The following CNTN5 variants were observed in gnomAD, a reference collection of about 807,000 sequenced individuals.
CNTN5 encodes contactin 5.
In CNTN5, 77 loss-of-function variants were observed where a neutral mutation model predicts 129.1. The observed-to-expected ratio is 0.60, with a 90% CI of 0.50 to 0.72. The LOEUF is 0.72. Among genes scored for constraint, CNTN5 ranks in the 30% least tolerant of loss-of-function variants. The probability of loss-of-function intolerance (pLI) is 0.00; values close to 1 mark genes in which losing one functional copy is unlikely to be tolerated. For missense variants in CNTN5, 1,478 were observed against 1,328.8 expected (o/e 1.11, Z -1.75); for synonymous variants, 509 against 465.6 (o/e 1.09, Z -1.20).
chr11:99,610,745 G>T (rs376271672), intron 3 of CNTN5, among the ~76,000 whole-genome samples: 1 of 152,078 alleles, frequency 6.6e-6, no homozygotes, highest in African/African-American at 2.4e-5. Flanking sequence ...ATGAAAGGTC[G>T]CAAGCTTAGT....
intron 2 of CNTN5, among the ~76,000 whole-genome samples, chr11:99,525,134 A>C (rs1026012065): frequency 5.5e-5 from 8 of 144,988 alleles, no homozygotes; most frequent in African/African-American, 2.0e-4. Flanking sequence ...ATGAAAAGCC[A>C]ATTTAAAGGG....
At chr11:100,083,317 C>CAAAAA (rs71050046) in intron 13 of CNTN5, among the ~76,000 whole-genome samples, 4 of 127,938 alleles carry the variant, frequency 3.1e-5, no homozygotes, top group African/African-American at 1.1e-4. Context: ...AACTCTGTCT[C>CAAAAA]AAAAAAAAAA....
At chr11:99,915,287 T>C (rs1371404670) in intron 6 of CNTN5, among the ~76,000 whole-genome samples, 5 of 152,106 alleles carry the variant, frequency 3.3e-5, no homozygotes, top group African/African-American at 1.2e-4. Flanking sequence ...ATAATAGAAT[T>C]ACAATTTAAA....
intron 2 of CNTN5, among the ~76,000 whole-genome samples, chr11:99,552,432 T>C (rs2135526666): frequency 6.6e-6 from 1 of 152,226 alleles, no homozygotes. Context: ...AATAGACTAG[T>C]TTAACCTCAG....
intron 7 of CNTN5, among the ~76,000 whole-genome samples, chr11:99,942,298 A>T (rs1950457382): frequency 6.6e-6 from 1 of 152,010 alleles, no homozygotes; most frequent in South Asian, 2.1e-4. Context: ...GGACCACTAC[A>T]AGAGGAATGT....
chr11:99,933,359 A>T (rs924270258), intron 7 of CNTN5, among the ~76,000 whole-genome samples: 1 of 152,196 alleles, frequency 6.6e-6, no homozygotes, highest in African/African-American at 2.4e-5. Context: ...GAGGTATATT[A>T]ACATATAATG....
intron 3 of CNTN5, among the ~76,000 whole-genome samples, chr11:99,692,623 C>T (rs186873290): frequency 6.6e-6 from 1 of 151,916 alleles, no homozygotes; most frequent in East Asian, 1.9e-4. Context: ...TTGGGCTTCC[C>T]TTTTTTCATG....
chr11:99,821,871 G>T (rs1946813033), intron 4 of CNTN5, among the ~76,000 whole-genome samples: 1 of 152,104 alleles, frequency 6.6e-6, no homozygotes, highest in Non-Finnish European at 1.5e-5. Context: ...AATATCATTT[G>T]GTCCTCTGCT....
chr11:99,042,365 CTTTTTTTTTT>C (rs1210153589), intron 1 of CNTN5, among the ~76,000 whole-genome samples: 6 of 83,796 alleles, frequency 7.2e-5, no homozygotes, highest in South Asian at 4.4e-4. Context: ...TCTTCTTCTT[CTTTTTTTTTT>C]TTTTTTTTTT....
chr11:99,616,103 C>T (rs1210403468), intron 3 of CNTN5, among the ~76,000 whole-genome samples: 3 of 152,078 alleles, frequency 2.0e-5, no homozygotes, highest in African/African-American at 7.2e-5. Flanking sequence ...GTTTTTAGTT[C>T]TGTGCAACTT....
chr11:99,966,679 A>G (rs1431885011), intron 8 of CNTN5, among the ~76,000 whole-genome samples: 3 of 152,352 alleles, frequency 2.0e-5, no homozygotes, highest in Non-Finnish European at 2.9e-5. Flanking sequence ...ATGTTGAACT[A>G]GCACACAAGA....
At chr11:99,823,965 C>T (rs145535701) in intron 4 of CNTN5, among the ~76,000 whole-genome samples, 28 of 152,102 alleles carry the variant, frequency 1.8e-4, no homozygotes, top group African/African-American at 6.5e-4. Flanking sequence ...ACATTATATC[C>T]TAGAGATTCA....
At chr11:99,736,374 A>G (rs930892085) in intron 3 of CNTN5, among the ~76,000 whole-genome samples, 1 of 152,122 alleles carries the variant, frequency 6.6e-6, no homozygotes, top group Non-Finnish European at 1.5e-5. Flanking sequence ...GCCTGGGGCA[A>G]TGAGGGCTGG....
chr11:99,047,072 G>A (rs986214726), intron 1 of CNTN5, among the ~76,000 whole-genome samples: 2 of 151,806 alleles, frequency 1.3e-5, no homozygotes. Context: ...TTTTTAACAT[G>A]TTGGTAAGAG....
chr11:99,881,168 T>G (rs959912943), intron 6 of CNTN5, among the ~76,000 whole-genome samples: 13 of 152,338 alleles, frequency 8.5e-5, no homozygotes, highest in African/African-American at 2.9e-4. Flanking sequence ...GTGAGATTTT[T>G]TTCTGTGCTG....
At chr11:99,241,220 C>G (rs189477848) in intron 1 of CNTN5, among the ~76,000 whole-genome samples, 1 of 151,922 alleles carries the variant, frequency 6.6e-6, no homozygotes, top group African/African-American at 2.4e-5. Context: ...GATGTGTACT[C>G]CTTCCAATAC....
intron 3 of CNTN5, among the ~76,000 whole-genome samples, chr11:99,713,430 C>T (rs368148543): frequency 1.1e-4 from 17 of 152,054 alleles, no homozygotes; most frequent in African/African-American, 3.9e-4. Flanking sequence ...TACACAATCA[C>T]GTCATCTGCA....
intron 1 of CNTN5, among the ~76,000 whole-genome samples, chr11:99,126,719 G>A (rs1302729139): frequency 5.3e-5 from 8 of 152,230 alleles, no homozygotes; most frequent in African/African-American, 1.9e-4. Flanking sequence ...TCAGCCAGTT[G>A]TATGAAAATT....
intron 2 of CNTN5, among the ~76,000 whole-genome samples, chr11:99,552,215 G>GC (rs1555025091): frequency 7.2e-6 from 1 of 138,984 alleles, no homozygotes; most frequent in Non-Finnish European, 1.6e-5. Flanking sequence ...CAGTTTTTGT[G>GC]TTTTTTTTTT....
Sources: allele counts gnomAD v4.1 joint callset (sites outside exome capture counted in the v4.1 genomes callset), GRCh38; gene constraint gnomAD v4.1.1; transcripts MANE v1.5; gene names NCBI Gene and HGNC (gene_info 2026-07-23, HGNC 2026-07-21).